CHST11: variants seen among roughly 807,000 people sequenced by gnomAD.
The protein encoded by CHST11 is carbohydrate sulfotransferase 11.
Under a neutral mutation model 30.4 loss-of-function variants are expected in CHST11, and 9 were observed. The ratio of observed to expected loss-of-function variants is 0.30; its 90% CI spans 0.18 to 0.52. The LOEUF (loss-of-function observed/expected upper bound fraction) is 0.52, where lower values mean the gene tolerates loss of function less well. CHST11 is among the 20% of genes least tolerant of loss of function. The pLI, the probability that CHST11 is intolerant of heterozygous loss-of-function variation, is 0.97. For missense variants in CHST11, 348 were observed against 460.6 expected (o/e 0.76, Z 2.24); for synonymous variants, 152 against 187.8 (o/e 0.81, Z 1.56).
At chr12:104,754,189 G>T (rs1293283616) in intron 2 of CHST11, among the ~76,000 whole-genome samples, 1 of 152,192 alleles carries the variant, frequency 6.6e-6, no homozygotes, top group African/African-American at 2.4e-5. Flanking sequence ...TGGTGCCCTT[G>T]CTTCTCTGGA....
chr12:104,462,167 CA>C (rs796356338), intron 1 of CHST11, among the ~76,000 whole-genome samples: 9,366 of 65,284 alleles, frequency 0.14, 361 homozygotes, highest in African/African-American at 0.24. Flanking sequence ...AACACCATCT[CA>C]AAAAAAAAAA....
intron 2 of CHST11, among the ~76,000 whole-genome samples, chr12:104,635,398 G>A (rs1656822210): frequency 6.6e-6 from 1 of 152,230 alleles, no homozygotes; most frequent in South Asian, 2.1e-4. Context: ...GGGGCTTCCA[G>A]TGTTTTGATA....
At chr12:104,460,534 C>G (rs2037397843) in intron 1 of CHST11, among the ~76,000 whole-genome samples, 1 of 151,942 alleles carries the variant, frequency 6.6e-6, no homozygotes, top group Admixed American at 6.6e-5. Flanking sequence ...TGTGGTGGCA[C>G]ACGCCTGTAA....
At chr12:104,475,983 C>T (rs1450382048) in intron 1 of CHST11, among the ~76,000 whole-genome samples, 1 of 140,736 alleles carries the variant, frequency 7.1e-6, no homozygotes, top group Non-Finnish European at 1.5e-5. Context: ...AGTTATCCCT[C>T]ATATATTATT....
intron 1 of CHST11, among the ~76,000 whole-genome samples, chr12:104,486,354 G>T (rs758750855): frequency 2.6e-5 from 4 of 151,314 alleles, no homozygotes; most frequent in Non-Finnish European, 5.9e-5. Context: ...CTAGAGGGCC[G>T]CTCTGTCGAA....
chr12:104,570,779 C>A (rs2136023402), intron 1 of CHST11, among the ~76,000 whole-genome samples: 1 of 151,688 alleles, frequency 6.6e-6, no homozygotes, highest in South Asian at 2.1e-4. Flanking sequence ...CAGTCTCTCC[C>A]TCCCAAGTGC....
At chr12:104,556,087 C>T (rs1351919861) in intron 1 of CHST11, among the ~76,000 whole-genome samples, 1 of 152,118 alleles carries the variant, frequency 6.6e-6, no homozygotes, top group Non-Finnish European at 1.5e-5. Context: ...TTTGGAGGGA[C>T]CAGAAAGACC....
intron 2 of CHST11, among the ~76,000 whole-genome samples, chr12:104,727,952 C>T (rs974377874): frequency 3.2e-5 from 4 of 123,514 alleles, no homozygotes; most frequent in East Asian, 2.5e-4. Context: ...GGGAGAGAGA[C>T]GTGGATCCAG....
At chr12:104,606,306 G>A (rs969007263) in intron 2 of CHST11, among the ~76,000 whole-genome samples, 1 of 151,968 alleles carries the variant, frequency 6.6e-6, no homozygotes, top group Non-Finnish European at 1.5e-5. Flanking sequence ...TTCTCCATCA[G>A]TTAGACTCCA....
chr12:104,460,762 A>G (rs1301764689), intron 1 of CHST11, among the ~76,000 whole-genome samples: 1 of 152,004 alleles, frequency 6.6e-6, no homozygotes, highest in African/African-American at 2.4e-5. Context: ...TTTCTAATTC[A>G]TAGAATTGAT....
Position 104,491,351 on chromosome 12 carries a change from A to G in CHST11, c.118+33822A>G, listed in dbSNP as rs570725990. On this transcript the variant is annotated intron_variant, in intron 1 of 2. Coordinates refer to ENST00000303694, the MANE Select transcript of CHST11 (RefSeq NM_018413.6). Reference sequence around the variant, plus strand: ...AAGAGTGTATAAGTAAAATCTATATAATAAAAGTTATCTCCCTGTGCCCCC... The same window carrying G: ...AAGAGTGTATAAGTAAAATCTATATGATAAAAGTTATCTCCCTGTGCCCCC... 3.3e-5 allele frequency among the ~76,000 whole-genome samples: 5 copies of G among 152,280 alleles called. No individual in the cohort carries two copies. The East Asian group carries it at 5.8e-4, about 18-fold the overall frequency.
At chr12:104,462,886 G>A (rs111501381) in intron 1 of CHST11, among the ~76,000 whole-genome samples, 8 of 152,300 alleles carry the variant, frequency 5.3e-5, no homozygotes, top group Non-Finnish European at 1.0e-4. Context: ...GTGCTCAGAT[G>A]AGACAGATGT....
Position 104,736,070 on chromosome 12 carries a change from G to A in CHST11, c.205-20879G>A, listed in dbSNP as rs182237982. 3.0e-3 allele frequency among the ~76,000 whole-genome samples: 453 copies of A among 152,288 alleles called. 4 individuals carry two copies. Among genetic ancestry groups the A allele is most frequent in the African/African-American group, 9.7e-3 (403 of 41,546 alleles). On this transcript the variant is annotated intron_variant, in intron 2 of 2. Coordinates refer to ENST00000303694, the MANE Select transcript of CHST11 (RefSeq NM_018413.6). The stretch of plus-strand genomic sequence containing the variant: ...TGCCATTCCCTGAGATGGGACACAG[G>A]AAGAGGGCAGTGACCACTCTCAGAC...
chr12:104,590,852 G>A (rs59539976), intron 1 of CHST11, among the ~76,000 whole-genome samples: 1,890 of 151,496 alleles, frequency 0.012, 58 homozygotes, highest in East Asian at 0.098. Context: ...AACATGGGAG[G>A]TGGGGGTTGC....
At chr12:104,625,252 C>A (rs985473161) in intron 2 of CHST11, among the ~76,000 whole-genome samples, 2 of 152,180 alleles carry the variant, frequency 1.3e-5, no homozygotes, top group Non-Finnish European at 2.9e-5. Context: ...TAACTTATGT[C>A]CTTCTGTGTT....
intron 2 of CHST11, among the ~76,000 whole-genome samples, chr12:104,617,938 T>C (rs1413024847): frequency 6.6e-6 from 1 of 151,688 alleles, no homozygotes; most frequent in East Asian, 1.9e-4. Context: ...AGATAGAGTC[T>C]CACTCTATTG....
chr12:104,458,070 C>T lies in CHST11; in HGVS notation c.118+541C>T, dbSNP rs1459184644. On this transcript the variant is annotated intron_variant, in intron 1 of 2. Transcript: ENST00000303694. This position sits in a 1 kb window ranked among gnomAD's most constrained non-coding sequence, Gnocchi z 5.7. ...GAGTCCCTGCAGCAGGCTGGGAGCC[C>T]GGGACTGGGCTCCCACGTGTCCCGG... Among the ~76,000 whole-genome samples the T allele has an allele frequency of 6.6e-6, 1 of 151,754 alleles. No individual in the cohort carries two copies. The highest frequency in any genetic ancestry group is 2.0e-4 in the East Asian group (1 of 5,080).
chr12:104,491,443 CTCTTCTTCT>C (rs147243817), intron 1 of CHST11, among the ~76,000 whole-genome samples: 1 of 151,502 alleles, frequency 6.6e-6, no homozygotes, highest in Non-Finnish European at 1.5e-5. Context: ...TTACCTTAGT[CTCTTCTTCT>C]TCTTCTTCTT....
chr12:104,656,942 T>C (rs1314598509), intron 2 of CHST11, among the ~76,000 whole-genome samples: 5 of 152,134 alleles, frequency 3.3e-5, no homozygotes, highest in African/African-American at 7.2e-5. Context: ...TTCTAAGATA[T>C]GGTGTTCCTT....
Sources: gnomAD v4.1 joint callset for allele counts (sites outside exome capture counted in the v4.1 genomes callset) on GRCh38, gnomAD v4.1.1 for gene constraint, Gnocchi (gnomAD v3.1) non-coding constraint, MANE v1.5 for transcripts, NCBI Gene and HGNC (gene_info 2026-07-23, HGNC 2026-07-21) for gene names.